Variants in CHTF8 observed in about 807,000 individuals in gnomAD.
CHTF8 encodes chromosome transmission fidelity factor 8.
Under a neutral mutation model 11.0 loss-of-function variants are expected in CHTF8, and 6 were observed. That is an observed-to-expected ratio of 0.55 (90% CI 0.30 to 1.08). CHTF8 has a LOEUF of 1.08. Ranked by LOEUF, CHTF8 falls within the 50% of genes least tolerant of loss-of-function variation. The pLI is 0.07. For missense variants in CHTF8, 140 were observed against 153.1 expected, an observed-to-expected ratio of 0.91 and a Z score of 0.45; for synonymous variants, 53 against 60.5, an observed-to-expected ratio of 0.88 and a Z score of 0.57.
intron 1 of CHTF8, among the ~76,000 whole-genome samples, chr16:69,124,739 G>A (rs2152269494): frequency 6.6e-6 from 1 of 152,242 alleles, no homozygotes. Flanking sequence ...GAGCTCCAGG[G>A]ATCCTCCCAC....
intron 1 of CHTF8, among the ~76,000 whole-genome samples, chr16:69,126,209 CAGGG>C (rs929301105): frequency 6.6e-6 from 1 of 152,152 alleles, no homozygotes; most frequent in Non-Finnish European, 1.5e-5. Context: ...AAGATCAAGG[CAGGG>C]AAGGAGACAG....
intron 1 of CHTF8, among the ~76,000 whole-genome samples, chr16:69,129,635 C>T (rs1962351695): frequency 6.6e-6 from 1 of 152,174 alleles, no homozygotes; most frequent in Admixed American, 6.5e-5. Context: ...TAAATGTTAA[C>T]TGGTCACACA....
At chr16:69,132,400 T>C in intron 1 of CHTF8, 84 bp downstream of exon 1, 1 of 154,242 alleles carries the variant, frequency 6.5e-6, no homozygotes, top group Non-Finnish European at 1.3e-5. Context: ...CTCCCTAGCT[T>C]CCCGCTCCCT....
chr16:69,118,186 T>C lies in CHTF8; in HGVS notation c.*2239A>G, dbSNP rs947028376. 1.5e-5 allele frequency: 9 copies of C among 594,238 alleles called. No homozygotes were observed. Among genetic ancestry groups the C allele is most frequent in the Non-Finnish European group, 3.0e-6 (1 of 332,084 alleles). 36.8% of individuals were successfully genotyped at this position (594,238 alleles called of 1,614,324 possible). On this transcript the variant is annotated 3_prime_UTR_variant, in exon 4 of 4. Coordinates refer to ENST00000448552, the MANE Select transcript of CHTF8 (RefSeq NM_001039690.5). Reference sequence around the variant, plus strand: ...CAGTTTAAATTTTGAGGTTCTTTGATTGATTGGGAGTACCAGTGAAGAGGG... The same window carrying C: ...CAGTTTAAATTTTGAGGTTCTTTGACTGATTGGGAGTACCAGTGAAGAGGG...
chr16:69,120,155 C>A lies in CHTF8; in HGVS notation c.*270G>T. ...CTTGGAAAAGAAGCCATACTTGGGT[C>A]ACGAGCACCAGCCGGGAAAGGTGCT... On this transcript the variant is annotated 3_prime_UTR_variant, in exon 4 of 4. Transcript: ENST00000448552. This position sits in a 1 kb window ranked among gnomAD's most constrained non-coding sequence, Gnocchi z 4.0. The A allele has an allele frequency of 2.9e-6, 2 of 701,420 alleles. No individual in the cohort carries two copies. Among genetic ancestry groups the A allele is most frequent in the South Asian group, 1.5e-5 (1 of 67,448 alleles). 43.4% of individuals were successfully genotyped at this position (701,420 alleles called of 1,614,324 possible). A position where few individuals can be genotyped will look rare whatever the true frequency, so the allele number is the denominator to read the frequency against.
At chr16:69,125,651 G>T (rs1050520203) in intron 1 of CHTF8, among the ~76,000 whole-genome samples, 1 of 152,140 alleles carries the variant, frequency 6.6e-6, no homozygotes, top group Non-Finnish European at 1.5e-5. Context: ...ACTGGAAAAG[G>T]GGTAATACCC....
intron 1 of CHTF8, among the ~76,000 whole-genome samples, chr16:69,129,866 T>C (rs752600205): frequency 3.3e-5 from 5 of 152,198 alleles, no homozygotes; most frequent in Non-Finnish European, 7.3e-5. Context: ...ATCTGTGGGG[T>C]AGGCAGCTAA....
chr16:69,121,566 C>A, intron 1 of CHTF8, 73 bp from the exon 2 acceptor site: 2 of 889,806 alleles, frequency 2.2e-6, no homozygotes, highest in South Asian at 3.4e-5. Context: ...CAACCTCCAC[C>A]TCCCGGGTTC....
intron 1 of CHTF8, among the ~76,000 whole-genome samples, chr16:69,126,002 T>G (rs1396340984): frequency 6.6e-6 from 1 of 152,166 alleles, no homozygotes; most frequent in African/African-American, 2.4e-5. Context: ...ACCCATAATT[T>G]TGACAATTTA....
chr16:69,121,519 G>A (rs1381034154), intron 1 of CHTF8, 26 bp from the exon 2 acceptor site: 21 of 1,427,654 alleles, frequency 1.5e-5, no homozygotes, highest in Middle Eastern at 3.6e-4. Context: ...AAGAGATTTA[G>A]GGTAATAACA....
intron 1 of CHTF8, among the ~76,000 whole-genome samples, chr16:69,130,468 T>C (rs1283532754): frequency 6.6e-6 from 1 of 152,248 alleles, no homozygotes; most frequent in Non-Finnish European, 1.5e-5. Flanking sequence ...CTTTTGTTTT[T>C]TGATCCCAGG....
At position 69,118,040 on chromosome 16, in the gene CHTF8, T is replaced by C; in HGVS notation, c.*2385A>G. 1 of 392,976 alleles carries C rather than the reference T, an allele frequency of 2.5e-6. No homozygotes were observed. The highest frequency in any genetic ancestry group is 4.1e-5 in the Admixed American group (1 of 24,588). The allele number at this position is 392,976 out of a possible 1,614,324, so 24.3% of individuals were successfully genotyped here. ...CTCATCCCATTTATTAAAGAAACAG[T>C]AAGAAAAGATACAATGCAGGAAAAC... On this transcript the variant is annotated 3_prime_UTR_variant, in exon 4 of 4. Coordinates refer to ENST00000448552, the MANE Select transcript of CHTF8 (RefSeq NM_001039690.5).
At position 69,118,136 on chromosome 16, in the gene CHTF8, CT is replaced by C; in HGVS notation, c.*2288del. The C allele has an allele frequency of 2.7e-6, 1 of 374,602 alleles. No individual in the cohort carries two copies. Among genetic ancestry groups the C allele is most frequent in the Non-Finnish European group, 5.0e-6 (1 of 200,954 alleles). The allele number at this position is 374,602 out of a possible 1,614,324, so 23.2% of individuals were successfully genotyped here. On this transcript the variant is annotated 3_prime_UTR_variant, in exon 4 of 4. Transcript: ENST00000448552. ...CTTCCCTTCATCCCCCACCCCCACC[CT>C]AATTCCCATATTCCCATCCACATCA...
At chr16:69,122,331 C>A (rs1416026777) in intron 1 of CHTF8, among the ~76,000 whole-genome samples, 1 of 151,934 alleles carries the variant, frequency 6.6e-6, no homozygotes, top group Non-Finnish European at 1.5e-5. Context: ...CATACTCTTG[C>A]TCACTATGCT....
At position 69,118,207 on chromosome 16, in the gene CHTF8, G is replaced by T. The variant is rs1961307650; in HGVS notation, c.*2218C>A. On this transcript the variant is annotated 3_prime_UTR_variant, in exon 4 of 4. Coordinates refer to ENST00000448552, the MANE Select transcript of CHTF8 (RefSeq NM_001039690.5). ...TTGATTGATTGGGAGTACCAGTGAAGAGGGAGTTGGATGAGTAGAGGGGCC... is the reference window on the plus strand; with the variant it reads ...TTGATTGATTGGGAGTACCAGTGAATAGGGAGTTGGATGAGTAGAGGGGCC... 3 of 543,162 alleles carry T rather than the reference G, an allele frequency of 5.5e-6. 1 individual carries two copies. In the South Asian group the frequency reaches 5.7e-5, roughly 10 times the overall value. 33.6% of individuals were successfully genotyped at this position (543,162 alleles called of 1,614,324 possible).
intron 1 of CHTF8, among the ~76,000 whole-genome samples, chr16:69,130,203 A>G (rs117509312): frequency 0.018 from 2,809 of 152,354 alleles, 26 homozygotes; most frequent in Non-Finnish European, 0.026. Context: ...ATATGTATCC[A>G]ATTAAACCGA....
In CHTF8 at chr16:69,121,510, A is replaced by G. The variant is rs1961659801; in HGVS notation, c.-35-17T>C. 5 of 1,508,792 alleles carry G rather than the reference A, an allele frequency of 3.3e-6. No homozygotes were observed. The highest frequency in any genetic ancestry group is 4.5e-6 in the Non-Finnish European group (5 of 1,102,656). 93.5% of individuals were successfully genotyped at this position (1,508,792 alleles called of 1,614,324 possible). A position where few individuals can be genotyped will look rare whatever the true frequency, so the allele number is the denominator to read the frequency against. ...GAAAACAAGCTGTAGAGAGAAAAAA[A>G]GAGATTTAGGGTAATAACAACAACA... is the stretch of plus-strand genomic sequence containing the variant. On this transcript the variant is annotated splice_polypyrimidine_tract_variant and intron_variant, in intron 1 of 3. Transcript: ENST00000448552.
In CHTF8 at chr16:69,118,406, G is replaced by T. The variant is rs1961329278; in HGVS notation, c.*2019C>A. Reference sequence around the variant, plus strand: ...GGATGACCAGGTCCAAGCTGCCCAGGTCAGAGCTACGGAAGCATGGTCCGT... The same window carrying T: ...GGATGACCAGGTCCAAGCTGCCCAGTTCAGAGCTACGGAAGCATGGTCCGT... On this transcript the variant is annotated 3_prime_UTR_variant, in exon 4 of 4. Transcript: ENST00000448552. The T allele has an allele frequency of 6.2e-7, 1 of 1,613,814 alleles. No individual in the cohort carries two copies. Among genetic ancestry groups the T allele is most frequent in the Non-Finnish European group, 8.5e-7 (1 of 1,179,728 alleles).
At chr16:69,123,815 C>T (rs921790608) in intron 1 of CHTF8, among the ~76,000 whole-genome samples, 2 of 150,798 alleles carry the variant, frequency 1.3e-5, no homozygotes, top group Non-Finnish European at 2.9e-5. Flanking sequence ...TGGCCGGGAG[C>T]AGTAGCTCAC....
Sources: gnomAD v4.1 joint callset for allele counts (sites outside exome capture counted in the v4.1 genomes callset) on GRCh38, gnomAD v4.1.1 for gene constraint, Gnocchi (gnomAD v3.1) non-coding constraint, MANE v1.5 for transcripts, NCBI Gene and HGNC (gene_info 2026-07-23, HGNC 2026-07-21) for gene names.